TRIO: variants seen among roughly 807,000 people sequenced by gnomAD.
TRIO encodes the protein trio Rho guanine nucleotide exchange factor.
TRIO carries 58 observed loss-of-function variants against 351.9 expected under a neutral mutation model. That is an observed-to-expected ratio of 0.16 (90% CI 0.13 to 0.21). The LOEUF (loss-of-function observed/expected upper bound fraction) is 0.21, where lower values mean the gene tolerates loss of function less well. Ranked by LOEUF, TRIO falls within the 10% of genes least tolerant of loss-of-function variation. TRIO has a pLI of 1.00. For synonymous variants in TRIO, 1,758 were observed against 1,595.7 expected (o/e 1.10, Z -2.42); for missense variants, 3,201 against 4,027.8 (o/e 0.79, Z 5.56).
At chr5:14,294,248 G>C (rs1389833484) in intron 6 of TRIO, among the ~76,000 whole-genome samples, 5 of 152,128 alleles carry the variant, frequency 3.3e-5, no homozygotes, top group Non-Finnish European at 7.3e-5. Context: ...AATTCAGAAA[G>C]ATGCCATTTA....
At chr5:14,491,803 G>A (rs1405921443) in intron 48 of TRIO, among the ~76,000 whole-genome samples, 3 of 152,132 alleles carry the variant, frequency 2.0e-5, no homozygotes, top group Admixed American at 6.5e-5. Flanking sequence ...ACCAGAATCC[G>A]TTCCCAAAGC....
chr5:14,283,078 A>G (rs559075518), intron 3 of TRIO, among the ~76,000 whole-genome samples: 1 of 152,176 alleles, frequency 6.6e-6, no homozygotes, highest in Non-Finnish European at 1.5e-5. Flanking sequence ...TAACCAAACA[A>G]ATTATGTGAT....
At chr5:14,448,155 A>G (rs1252527531) in intron 34 of TRIO, among the ~76,000 whole-genome samples, 1 of 152,216 alleles carries the variant, frequency 6.6e-6, no homozygotes, top group Non-Finnish European at 1.5e-5. Flanking sequence ...CTTTCTTTGT[A>G]TGAGTAATAC....
chr5:14,404,733 G>C (rs550424666), intron 31 of TRIO, among the ~76,000 whole-genome samples: 1 of 152,178 alleles, frequency 6.6e-6, no homozygotes, highest in African/African-American at 2.4e-5. Flanking sequence ...GGAGAAGAGG[G>C]AGCAAGAGGC....
At chr5:14,274,674 A>G (rs1454956518) in intron 2 of TRIO, among the ~76,000 whole-genome samples, 1 of 152,200 alleles carries the variant, frequency 6.6e-6, no homozygotes, top group African/African-American at 2.4e-5. Flanking sequence ...TCCTGTCCGT[A>G]ACCAGTTTTC....
At chr5:14,222,645 T>C (rs1413228315) in intron 1 of TRIO, among the ~76,000 whole-genome samples, 3 of 152,196 alleles carry the variant, frequency 2.0e-5, no homozygotes, top group Non-Finnish European at 2.9e-5. Flanking sequence ...GGAACCTGCA[T>C]TTTGAGTAAC....
intron 16 of TRIO, among the ~76,000 whole-genome samples, chr5:14,368,308 C>T (rs1744778021): frequency 6.6e-6 from 1 of 152,320 alleles, no homozygotes; most frequent in East Asian, 1.9e-4. Context: ...AAAGCATTCA[C>T]TCTGGCCACC....
chr5:14,151,262 C>T lies in TRIO; in HGVS notation c.157+7380C>T, dbSNP rs114732896. On this transcript the variant is annotated intron_variant, in intron 1 of 56. Coordinates refer to ENST00000344204, the MANE Select transcript of TRIO (RefSeq NM_007118.4). Reference sequence around the variant, plus strand: ...GTGTTAGCCCCACCTACTTTTAAGACTCATAACCATAAAACTATGCATGAA... The same window carrying T: ...GTGTTAGCCCCACCTACTTTTAAGATTCATAACCATAAAACTATGCATGAA... Among the ~76,000 whole-genome samples, 1,476 of 152,258 alleles carry T rather than the reference C, an allele frequency of 9.7e-3. 29 individuals carry two copies. The highest frequency in any genetic ancestry group is 0.034 in the African/African-American group (1,422 of 41,546).
At chr5:14,224,510 A>G (rs959000291) in intron 1 of TRIO, among the ~76,000 whole-genome samples, 1 of 152,082 alleles carries the variant, frequency 6.6e-6, no homozygotes, top group African/African-American at 2.4e-5. Flanking sequence ...ACCATCTTAG[A>G]CACTTACTTT....
intron 27 of TRIO, among the ~76,000 whole-genome samples, chr5:14,393,457 T>C (rs1171931180): frequency 2.0e-5 from 3 of 152,242 alleles, no homozygotes; most frequent in Admixed American, 6.5e-5. Context: ...TCACAATTTA[T>C]ATGCTTTCAG....
rs35860741 is a variant in TRIO, at chr5:14,369,581, G to A, written c.3216+58G>A. 412,140 of 1,533,832 alleles carry A rather than the reference G, an allele frequency of 0.27. 58,071 individuals carry two copies. Among genetic ancestry groups the A allele is most frequent in the Middle Eastern group, 0.35 (1,842 of 5,286 alleles). On this transcript the variant is annotated intron_variant, in intron 18 of 56. Transcript: ENST00000344204. ...CAGAGGCTTCCTGCCTGCCAGGTGC[G>A]CGTGGCACAGTCATCGCTTCCCAAG...
At chr5:14,208,249 C>G (rs1236821400) in intron 1 of TRIO, among the ~76,000 whole-genome samples, 1 of 152,168 alleles carries the variant, frequency 6.6e-6, no homozygotes, top group Non-Finnish European at 1.5e-5. Flanking sequence ...ATGAAATGAT[C>G]TAAATGTCCA....
Position 14,508,511 on chromosome 5 carries a change from T to A in TRIO, c.*89T>A. 1 of 1,454,994 alleles carries A rather than the reference T, an allele frequency of 6.9e-7. No individual in the cohort carries two copies. Among genetic ancestry groups the A allele is most frequent in the Non-Finnish European group, 9.3e-7 (1 of 1,076,450 alleles). 90.1% of individuals were successfully genotyped at this position (1,454,994 alleles called of 1,614,324 possible). A position where few individuals can be genotyped will look rare whatever the true frequency, so the allele number is the denominator to read the frequency against. On this transcript the variant is annotated 3_prime_UTR_variant, in exon 57 of 57. Coordinates refer to ENST00000344204, the MANE Select transcript of TRIO (RefSeq NM_007118.4). ...AGAGAAAACAAGCAAACATAACTGA[T>A]CAGCTGCCGGTATGTTCATCGTGTG...
At chr5:14,454,788 G>A (rs1388100546) in intron 34 of TRIO, among the ~76,000 whole-genome samples, 1 of 152,218 alleles carries the variant, frequency 6.6e-6, no homozygotes, top group Non-Finnish European at 1.5e-5. Flanking sequence ...TGGTCTCACT[G>A]ACTTCAAGAA....
chr5:14,496,811 A>C, intron 49 of TRIO, 68 bp from the exon 50 acceptor site: 1 of 1,576,276 alleles, frequency 6.3e-7, no homozygotes, highest in South Asian at 1.2e-5. Context: ...CTTTTCTTTA[A>C]CGCTTCCAGG....
chr5:14,361,422 C>T (rs1418122915), intron 13 of TRIO, among the ~76,000 whole-genome samples: 1 of 152,210 alleles, frequency 6.6e-6, no homozygotes. Flanking sequence ...AGCCCAGTCT[C>T]AGGCCAGCTT....
chr5:14,351,028 C>G (rs969135341), intron 11 of TRIO, among the ~76,000 whole-genome samples: 2 of 152,170 alleles, frequency 1.3e-5, no homozygotes, highest in African/African-American at 4.8e-5. Context: ...CGCTGCTGAT[C>G]TGACAGGAGG....
intron 19 of TRIO, among the ~76,000 whole-genome samples, chr5:14,376,779 A>C (rs1483229161): frequency 6.6e-6 from 1 of 152,202 alleles, no homozygotes; most frequent in Admixed American, 6.5e-5. Flanking sequence ...CCCAGTTCAA[A>C]GGAATGCATG....
At chr5:14,459,592 T>C (rs1753616294) in intron 34 of TRIO, among the ~76,000 whole-genome samples, 1 of 152,070 alleles carries the variant, frequency 6.6e-6, no homozygotes, top group South Asian at 2.1e-4. Context: ...ATACAAAAAT[T>C]AGCTGGGTAT....
Sources: allele counts gnomAD v4.1 joint callset (sites outside exome capture counted in the v4.1 genomes callset), GRCh38; gene constraint gnomAD v4.1.1; transcripts MANE v1.5; gene names NCBI Gene and HGNC (gene_info 2026-07-23, HGNC 2026-07-21).